The following UTP4 variants were observed in gnomAD, a reference collection of about 807,000 sequenced individuals.
UTP4 encodes UTP4 small subunit processome component, also known as U3 small nucleolar RNA-associated protein 4 homolog.
UTP4 carries 45 observed loss-of-function variants against 82.4 expected under a neutral mutation model. The ratio of observed to expected loss-of-function variants is 0.55; its 90% CI spans 0.43 to 0.70. The LOEUF is 0.70. Among genes scored for constraint, UTP4 ranks in the 30% least tolerant of loss-of-function variants. The probability of loss-of-function intolerance (pLI) is 0.00; values close to 1 mark genes in which losing one functional copy is unlikely to be tolerated. For synonymous variants in UTP4, 348 were observed against 300.3 expected (o/e 1.16, Z -1.64); for missense variants, 819 against 858.3 (o/e 0.95, Z 0.57).
intron 13 of UTP4, among the ~76,000 whole-genome samples, chr16:69,160,827 C>A (rs924687720): frequency 2.6e-5 from 4 of 152,082 alleles, no homozygotes; most frequent in African/African-American, 2.4e-5. Flanking sequence ...AACTCCTGAG[C>A]TCAGGCAATC....
rs763509506 is a variant in UTP4 at position 69,150,878 on chromosome 16, G to A, written c.976G>A (p.Ala326Thr). 3.2e-5 allele frequency: 51 copies of A among 1,613,658 alleles called. 1 individual carries two copies. In the Middle Eastern group the frequency reaches 5.0e-4, roughly 16 times the overall value. Reference sequence around the variant, plus strand: ...GGTGGAAGTAAAGAATTACGATGCCGCTCTCCGAAAAATCACCTTTCCCCA... The same window carrying A: ...GGTGGAAGTAAAGAATTACGATGCCACTCTCCGAAAAATCACCTTTCCCCA... ...EKVEVKNYDA[A>T]LRKITFPHRC... Residue 326 changes from alanine (A) to threonine (T), a missense_variant, in exon 8 of 17, where the codon GCT (alanine) becomes ACT (threonine). Transcript: ENST00000314423.
chr16:69,148,422 G>A (rs1325742977), intron 6 of UTP4, among the ~76,000 whole-genome samples: 5 of 149,292 alleles, frequency 3.3e-5, no homozygotes, highest in Non-Finnish European at 7.4e-5. Context: ...TAATAGAGAC[G>A]GGGTTTTATC....
intron 13 of UTP4, among the ~76,000 whole-genome samples, chr16:69,160,809 T>G (rs1275699565): frequency 6.6e-6 from 1 of 152,124 alleles, no homozygotes; most frequent in Non-Finnish European, 1.5e-5. Flanking sequence ...TTGCTCAGGC[T>G]GACCTTGAAC....
chr16:69,153,061 T>A (rs1486771327), intron 8 of UTP4, among the ~76,000 whole-genome samples: 1 of 152,180 alleles, frequency 6.6e-6, no homozygotes, highest in African/African-American at 2.4e-5. Flanking sequence ...GCCCTTCAGC[T>A]TCTTTTTGCA....
intron 6 of UTP4, among the ~76,000 whole-genome samples, chr16:69,147,470 A>G (rs1408732274): frequency 6.6e-6 from 1 of 152,146 alleles, no homozygotes; most frequent in Non-Finnish European, 1.5e-5. Flanking sequence ...ACCCCGCTGC[A>G]CTCCAGCCTG....
rs367714898 is a variant in UTP4, at chr16:69,165,523, A to G, written c.1830A>G (p.Ser610=). The G allele has an allele frequency of 1.2e-5, 20 of 1,613,456 alleles. No individual in the cohort carries two copies. The African/African-American group carries it at 1.5e-4, about 12-fold the overall frequency. The change falls in exon 15 of 17, where the codon TCA becomes TCG. Residue 610 remains serine, a synonymous_variant. Transcript: ENST00000314423. ...DAYMFCIIDK[S]LPLPNDKTLL... is the part of the protein sequence containing the mutation. ...ACATGTTCTGCATCATTGACAAGTC[A>G]TTGGTGAGTTCTTCACTGCTACCTC...
intron 6 of UTP4, among the ~76,000 whole-genome samples, chr16:69,145,199 A>G (rs1963075004): frequency 6.6e-6 from 1 of 152,146 alleles, no homozygotes; most frequent in Non-Finnish European, 1.5e-5. Flanking sequence ...GAGAATACAG[A>G]GTAAAGGAGA....
chr16:69,165,522 C>T lies in UTP4; in HGVS notation c.1829C>T (p.Ser610Leu). Residue 610 changes from serine to leucine, a missense_variant, in exon 15 of 17, where the codon TCA becomes TTA. Ser to Leu is a moderately radical substitution (Grantham distance 145). Transcript: ENST00000314423. ...DAYMFCIIDK[S>L]LPLPNDKTLL... The stretch of plus-strand genomic sequence containing the variant: ...TACATGTTCTGCATCATTGACAAGT[C>T]ATTGGTGAGTTCTTCACTGCTACCT... 6.2e-7 allele frequency: 1 copy of T among 1,613,364 alleles called. No individual in the cohort carries two copies. The highest frequency in any genetic ancestry group is 8.5e-7 in the Non-Finnish European group (1 of 1,179,322).
chr16:69,159,552 G>A (rs1963510835), intron 12 of UTP4, among the ~76,000 whole-genome samples: 2 of 152,088 alleles, frequency 1.3e-5, no homozygotes, highest in Admixed American at 6.6e-5. Context: ...GCTGGGTGTG[G>A]TGGTGCACGC....
chr16:69,152,367 C>T (rs1435427295), intron 8 of UTP4, among the ~76,000 whole-genome samples: 1 of 151,992 alleles, frequency 6.6e-6, no homozygotes, highest in East Asian at 1.9e-4. Context: ...CTCACTGTAA[C>T]CTCTGCTTCT....
chr16:69,159,462 G>A (rs1314519141), intron 12 of UTP4, among the ~76,000 whole-genome samples: 1 of 152,160 alleles, frequency 6.6e-6, no homozygotes, highest in East Asian at 1.9e-4. Context: ...GGCCGAGGTG[G>A]GCAGATCATA....
At chr16:69,153,419 A>G (rs147009411) in intron 8 of UTP4, among the ~76,000 whole-genome samples, 165 bp from the exon 9 acceptor site, 2,180 of 152,324 alleles carry the variant, frequency 0.014, 27 homozygotes, top group Non-Finnish European at 0.018. Flanking sequence ...CATCGTCTTC[A>G]TAGATCTCAG....
intron 16 of UTP4, chr16:69,167,599 A>C: frequency 5.6e-6 from 1 of 179,708 alleles, no homozygotes; most frequent in Non-Finnish European, 1.2e-5. Context: ...GGAATTCAAA[A>C]CCAGCCTGGG....
intron 8 of UTP4, among the ~76,000 whole-genome samples, chr16:69,153,262 A>G (rs751405261): frequency 6.6e-5 from 10 of 152,130 alleles, no homozygotes; most frequent in Non-Finnish European, 8.8e-5. Flanking sequence ...CCACACAGCT[A>G]GGTTAGATGT....
intron 9 of UTP4, among the ~76,000 whole-genome samples, 194 bp from the exon 10 acceptor site, chr16:69,154,199 T>C (rs973305986): frequency 5.3e-5 from 8 of 152,180 alleles, no homozygotes; most frequent in Non-Finnish European, 8.8e-5. Flanking sequence ...TATCAGAGGA[T>C]AGAAGCAAAA....
intron 6 of UTP4, among the ~76,000 whole-genome samples, chr16:69,145,594 A>C (rs1025023811): frequency 6.6e-6 from 1 of 151,452 alleles, no homozygotes; most frequent in Admixed American, 6.6e-5. Context: ...AATTAAGTAA[A>C]CTGTGTCGTT....
At chr16:69,147,226 G>A (rs574209502) in intron 6 of UTP4, among the ~76,000 whole-genome samples, 4 of 146,752 alleles carry the variant, frequency 2.7e-5, no homozygotes, top group South Asian at 2.1e-4. Context: ...ATAATAAGCC[G>A]GGCGTGGTGA....
chr16:69,157,082 AG>A lies in UTP4; in HGVS notation c.1288del. The A allele has an allele frequency of 6.2e-7, 1 of 1,614,182 alleles. No individual in the cohort carries two copies. Among genetic ancestry groups the A allele is most frequent in the Non-Finnish European group, 8.5e-7 (1 of 1,180,016 alleles). On this transcript the variant is annotated splice_acceptor_variant, in intron 11 of 16. Transcript: ENST00000314423. LOFTEE classifies it high-confidence loss of function. ...TGGCTTTTATTATTGGTTCACCCAA[AG>A]GTTTCCAAAATGCCAGCATTCCTTC...
chr16:69,136,388 C>T (rs1005087367), intron 2 of UTP4, among the ~76,000 whole-genome samples: 3 of 152,148 alleles, frequency 2.0e-5, no homozygotes, highest in Admixed American at 6.5e-5. Context: ...CCACCACACC[C>T]GGCTACTTTT....
Sources: allele counts gnomAD v4.1 joint callset (sites outside exome capture counted in the v4.1 genomes callset), GRCh38; gene constraint gnomAD v4.1.1; transcripts MANE v1.5; gene names NCBI Gene and HGNC (gene_info 2026-07-23, HGNC 2026-07-21).